BCOR: variants seen among roughly 807,000 people sequenced by gnomAD.
BCOR encodes BCL6 corepressor.
Under a neutral mutation model 86.7 loss-of-function variants are expected in BCOR, and 10 were observed. The ratio of observed to expected loss-of-function variants is 0.12; its 90% CI spans 0.07 to 0.20. The LOEUF (loss-of-function observed/expected upper bound fraction) is 0.20. Among genes scored for constraint, BCOR ranks in the 10% least tolerant of loss-of-function variants. The pLI, the probability that BCOR is intolerant of heterozygous loss-of-function variation, is 1.00. For missense variants in BCOR, 1,259 were observed against 1,452.1 expected (o/e 0.87, Z 2.16); for synonymous variants, 611 against 609.0 (o/e 1.00, Z -0.05).
chrX:40,076,332 C>T (rs1935805029), intron 3 of BCOR, 122 bp downstream of exon 3: 1 of 555,250 alleles, frequency 1.8e-6, no homozygotes, highest in East Asian at 4.0e-5. Flanking sequence ...TCCAACTCAG[C>T]CCTGCTCTGA....
In BCOR at chrX:40,051,461, C is replaced by T. The variant is rs1010040592; in HGVS notation, c.*648G>A. 5.8e-6 allele frequency: 1 copy of T among 171,084 alleles called. No homozygotes were observed. The highest frequency in any genetic ancestry group is 3.0e-5 in the African/African-American group (1 of 33,792). The allele number at this position is 171,084 out of a possible 1,213,427, so 14.1% of individuals were successfully genotyped here. A position where few individuals can be genotyped will look rare whatever the true frequency, so the allele number is the denominator to read the frequency against. On this transcript the variant is annotated 3_prime_UTR_variant, in exon 15 of 15. Transcript: ENST00000378444. ...TTACAGGGTACAGAAAAAAATAGCT[C>T]AAAGTCTTCTTTAAATAAGAGCATA...
chrX:40,112,192 T>C (rs1004619482), intron 1 of BCOR, among the ~76,000 whole-genome samples: 3 of 111,690 alleles, frequency 2.7e-5, no homozygotes, highest in African/African-American at 9.8e-5. Context: ...TGTGGGCTTT[T>C]CTATGCTCTA....
At chrX:40,077,029 A>G (rs907825994) in intron 2 of BCOR, 7 of 263,444 alleles carry the variant, frequency 2.7e-5, no homozygotes, top group Non-Finnish European at 4.9e-5. Context: ...GTTAGGGACC[A>G]TGTCCTACGA....
chrX:40,091,713 A>G (rs1394051356), intron 1 of BCOR, among the ~76,000 whole-genome samples: 1 of 113,455 alleles, frequency 8.8e-6, no homozygotes, highest in Non-Finnish European at 1.9e-5. Context: ...CGGCTCGGCT[A>G]CCACCAGGGC....
chrX:40,095,672 G>A (rs1450951656), intron 1 of BCOR, among the ~76,000 whole-genome samples: 1 of 112,205 alleles, frequency 8.9e-6, no homozygotes, highest in Non-Finnish European at 1.9e-5. Flanking sequence ...GAAGCGCGTT[G>A]GTTTCTTTTT....
At chrX:40,132,054 G>A (rs1243770839) in intron 1 of BCOR, among the ~76,000 whole-genome samples, 6 of 111,810 alleles carry the variant, frequency 5.4e-5, no homozygotes, top group Non-Finnish European at 1.1e-4. Flanking sequence ...TCTTTTTGGG[G>A]CACTTGCTCT....
intron 1 of BCOR, among the ~76,000 whole-genome samples, chrX:40,108,979 TC>T (rs1294321184): frequency 8.9e-6 from 1 of 112,694 alleles, no homozygotes; most frequent in Non-Finnish European, 1.9e-5. Flanking sequence ...TGGAGACGGC[TC>T]CCGAGCCACC....
intron 1 of BCOR, among the ~76,000 whole-genome samples, chrX:40,145,997 G>A (rs1275902084): frequency 8.9e-6 from 1 of 111,784 alleles, no homozygotes; most frequent in Non-Finnish European, 1.9e-5. Flanking sequence ...GAGGCGGAGG[G>A]CGGGAAATCG....
intron 1 of BCOR, among the ~76,000 whole-genome samples, chrX:40,088,925 A>G (rs1936477061): frequency 8.9e-6 from 1 of 112,244 alleles, no homozygotes; most frequent in South Asian, 3.6e-4. Flanking sequence ...TCCTAACCAT[A>G]TAATGATCCC....
At chrX:40,098,339 C>T (rs1437900017), upstream of BCOR, among the ~76,000 whole-genome samples, 2 of 109,861 alleles carry the variant, frequency 1.8e-5, no homozygotes, top group African/African-American at 6.6e-5. Flanking sequence ...CCTCGTCCCC[C>T]GGCCTCCCCT....
chrX:40,137,903 C>G (rs1234988890), intron 1 of BCOR, among the ~76,000 whole-genome samples: 1 of 111,871 alleles, frequency 8.9e-6, no homozygotes, highest in African/African-American at 3.2e-5. Context: ...AGGGCAGCAA[C>G]TAGCCAGGCT....
chrX:40,059,565 T>C (rs964697636), intron 10 of BCOR, among the ~76,000 whole-genome samples: 24 of 112,613 alleles, frequency 2.1e-4, no homozygotes, highest in African/African-American at 7.1e-4. Flanking sequence ...TGGCAACCGC[T>C]GTCACCAACA....
At chrX:40,060,634 G>A (rs1451905265) in intron 10 of BCOR, among the ~76,000 whole-genome samples, 1 of 112,101 alleles carries the variant, frequency 8.9e-6, no homozygotes, top group Non-Finnish European at 1.9e-5. Context: ...CCAATCATGC[G>A]TAGGAATGAG....
intron 1 of BCOR, among the ~76,000 whole-genome samples, chrX:40,130,494 T>TG (rs1440807695): frequency 8.9e-6 from 1 of 112,295 alleles, no homozygotes; most frequent in East Asian, 2.8e-4. Context: ...TGGCTAGGTG[T>TG]GGGGCACATA....
chrX:40,108,817 C>G (rs771879387), intron 1 of BCOR, among the ~76,000 whole-genome samples: 1 of 113,375 alleles, frequency 8.8e-6, no homozygotes. Flanking sequence ...CCTGCGGCAC[C>G]CTCTTCCCTC....
chrX:40,082,159 G>A (rs1239192413), intron 1 of BCOR, among the ~76,000 whole-genome samples: 1 of 111,808 alleles, frequency 8.9e-6, no homozygotes. Context: ...CCTGAGTAGG[G>A]ACACACCCAC....
At chrX:40,119,969 C>A (rs1569185253) in intron 1 of BCOR, among the ~76,000 whole-genome samples, 1 of 104,094 alleles carries the variant, frequency 9.6e-6, no homozygotes, top group Non-Finnish European at 1.9e-5. Context: ...CAGTGTGCTG[C>A]TTCTAGAGAC....
chrX:40,155,228 G>A (rs1938264326), intron 1 of BCOR, among the ~76,000 whole-genome samples: 1 of 112,816 alleles, frequency 8.9e-6, no homozygotes, highest in Admixed American at 9.2e-5. Flanking sequence ...GTCAGCCAAG[G>A]TCCTCCGGCT....
chrX:40,139,483 ATATATATATATATATTTTT>A (rs1260194888), intron 1 of BCOR, among the ~76,000 whole-genome samples: 1 of 14,831 alleles, frequency 6.7e-5, no homozygotes, highest in African/African-American at 6.4e-4. Context: ...ATATATATAT[ATATATATATATATATTTTT>A]TTTTTTTTTT....
Sources: gnomAD v4.1 joint callset for allele counts (sites outside exome capture counted in the v4.1 genomes callset) on GRCh38, gnomAD v4.1.1 for gene constraint, MANE v1.5 for transcripts, NCBI Gene and HGNC (gene_info 2026-07-23, HGNC 2026-07-21) for gene names.